Variants in ADAM23 observed in about 807,000 individuals in gnomAD.
ADAM23 encodes the protein ADAM metallopeptidase domain 23, also known as disintegrin and metalloproteinase domain-containing protein 23.
A neutral mutation model predicts 120.1 loss-of-function variants in ADAM23; 33 were observed. The ratio of observed to expected loss-of-function variants is 0.27; its 90% confidence interval spans 0.21 to 0.37. The LOEUF is 0.37. Ranked by LOEUF, ADAM23 falls within the 10% of genes least tolerant of loss-of-function variation. ADAM23 has a pLI of 1.00. For missense variants in ADAM23, 862 were observed against 1,058.2 expected (o/e 0.81, Z 2.57); for synonymous variants, 367 against 375.2 (o/e 0.98, Z 0.25).
chr2:206,469,824 A>G (rs1695617486), intron 2 of ADAM23, among the ~76,000 whole-genome samples: 1 of 152,144 alleles, frequency 6.6e-6, no homozygotes. Flanking sequence ...CGGGGCTTCT[A>G]CAACTAGCTG....
intron 24 of ADAM23, among the ~76,000 whole-genome samples, chr2:206,596,607 A>C (rs566227040): frequency 7.3e-4 from 111 of 152,254 alleles, no homozygotes; most frequent in Non-Finnish European, 1.1e-3. Context: ...TCTTTTGACT[A>C]GGAAGGAGTT....
At chr2:206,547,576 C>T (rs1471443038) in intron 7 of ADAM23, 75 bp downstream of exon 7, 5 of 1,288,106 alleles carry the variant, frequency 3.9e-6, no homozygotes, top group Non-Finnish European at 4.4e-6. Flanking sequence ...AGTAGATATG[C>T]AGGCTTGTTG....
intron 2 of ADAM23, among the ~76,000 whole-genome samples, chr2:206,446,762 T>A (rs779399022): frequency 4.7e-4 from 71 of 152,110 alleles, no homozygotes; most frequent in Non-Finnish European, 7.2e-4. Flanking sequence ...GTGAGATAAA[T>A]GTGTCTCTGT....
At chr2:206,550,615 T>C (rs1362234272) in intron 9 of ADAM23, among the ~76,000 whole-genome samples, 2 of 150,204 alleles carry the variant, frequency 1.3e-5, no homozygotes, top group Non-Finnish European at 3.0e-5. Context: ...TTTTTTTTTT[T>C]TTGTGAGACG....
chr2:206,588,008 G>C (rs1392339912), intron 19 of ADAM23, 83 bp from the exon 20 acceptor site: 1 of 1,432,738 alleles, frequency 7.0e-7, no homozygotes, highest in African/African-American at 1.4e-5. Context: ...TTATCCAAGT[G>C]AACCAGAAGG....
chr2:206,453,046 A>T (rs1186338170), intron 2 of ADAM23, among the ~76,000 whole-genome samples: 17 of 152,184 alleles, frequency 1.1e-4, no homozygotes, highest in Admixed American at 1.1e-3. Context: ...CAGCTAGATG[A>T]ATTTTCCTCT....
Position 206,474,058 on chromosome 2 carries a change from C to G in ADAM23, c.433-7174C>G, listed in dbSNP as rs1323214684. Among the ~76,000 whole-genome samples, 3 of 151,078 alleles carry G rather than the reference C, an allele frequency of 2.0e-5. No homozygotes were observed. In the East Asian group the frequency reaches 5.8e-4, roughly 29 times the overall value. On this transcript the variant is annotated intron_variant, in intron 2 of 25. Coordinates refer to ENST00000264377, the MANE Select transcript of ADAM23 (RefSeq NM_003812.4). ...AAAAACCAGAAAAACAAAACTAACT[C>G]TCCTATACTAATCTGCTCTAGTATC...
At chr2:206,457,290 G>A (rs1695319721) in intron 2 of ADAM23, among the ~76,000 whole-genome samples, 1 of 152,216 alleles carries the variant, frequency 6.6e-6, no homozygotes, top group Non-Finnish European at 1.5e-5. Flanking sequence ...TCTGGATGAG[G>A]AAATGCAACC....
intron 9 of ADAM23, among the ~76,000 whole-genome samples, chr2:206,552,160 A>G (rs919951532): frequency 1.3e-5 from 2 of 152,182 alleles, no homozygotes; most frequent in African/African-American, 4.8e-5. Context: ...CATCCATTAT[A>G]TAAATACTTT....
At chr2:206,570,709 C>G (rs374915219) in intron 15 of ADAM23, 31 bp from the exon 16 acceptor site, 11 of 1,582,274 alleles carry the variant, frequency 7.0e-6, no homozygotes, top group Non-Finnish European at 9.6e-6. Context: ...TAAATTGAAA[C>G]ATTTTTCCCT....
At chr2:206,614,144 T>G (rs945651099) in intron 25 of ADAM23, among the ~76,000 whole-genome samples, 4 of 152,340 alleles carry the variant, frequency 2.6e-5, no homozygotes, top group Middle Eastern at 6.8e-3. Flanking sequence ...TAGCTACTCC[T>G]TACATTAAAA....
At chr2:206,499,981 T>C (rs1459568478) in intron 3 of ADAM23, among the ~76,000 whole-genome samples, 1 of 152,152 alleles carries the variant, frequency 6.6e-6, no homozygotes, top group East Asian at 1.9e-4. Context: ...ACAACACCCG[T>C]ACTACATTTT....
At chr2:206,509,380 T>A (rs1021972505) in intron 3 of ADAM23, among the ~76,000 whole-genome samples, 2 of 152,026 alleles carry the variant, frequency 1.3e-5, no homozygotes, top group African/African-American at 4.8e-5. Context: ...ATATAAATGA[T>A]TAAATTTAAC....
chr2:206,493,824 C>T (rs1574495813), intron 3 of ADAM23, among the ~76,000 whole-genome samples: 1 of 152,182 alleles, frequency 6.6e-6, no homozygotes, highest in Non-Finnish European at 1.5e-5. Context: ...ATTTCTTCCT[C>T]CTTTCTTTTT....
intron 4 of ADAM23, among the ~76,000 whole-genome samples, chr2:206,538,720 TC>T (rs1325835883): frequency 6.6e-6 from 1 of 152,208 alleles, no homozygotes; most frequent in Admixed American, 6.5e-5. Context: ...TGGTTCTATT[TC>T]CACTAAAATG....
intron 3 of ADAM23, among the ~76,000 whole-genome samples, chr2:206,522,607 A>G (rs776359488): frequency 1.2e-4 from 19 of 152,236 alleles, no homozygotes; most frequent in South Asian, 2.1e-4. Flanking sequence ...GTTCTCTGCA[A>G]TTTCTCTATG....
intron 4 of ADAM23, among the ~76,000 whole-genome samples, chr2:206,531,674 C>G (rs964898069): frequency 6.6e-6 from 1 of 152,228 alleles, no homozygotes; most frequent in Non-Finnish European, 1.5e-5. Context: ...GAAAGAAACT[C>G]TGACTTCTAG....
intron 3 of ADAM23, among the ~76,000 whole-genome samples, chr2:206,499,505 AG>A (rs1003866171): frequency 3.9e-5 from 4 of 102,120 alleles, no homozygotes; most frequent in Non-Finnish European, 7.9e-5. Context: ...GGGTGGGGGG[AG>A]GGGGGATAGC....
chr2:206,502,197 C>A (rs1465387084), intron 3 of ADAM23, among the ~76,000 whole-genome samples: 9 of 152,058 alleles, frequency 5.9e-5, no homozygotes, highest in African/African-American at 2.2e-4. Context: ...CTTCCAAATG[C>A]GATTGAAAAC....
Sources: gnomAD v4.1 joint callset for allele counts (sites outside exome capture counted in the v4.1 genomes callset) on GRCh38, gnomAD v4.1.1 for gene constraint, MANE v1.5 for transcripts, NCBI Gene and HGNC (gene_info 2026-07-23, HGNC 2026-07-21) for gene names.